PKP4: variants seen among roughly 807,000 people sequenced by gnomAD.
The protein encoded by PKP4 is plakophilin 4.
Under a neutral mutation model 145.1 loss-of-function variants are expected in PKP4, and 90 were observed. The observed-to-expected ratio is 0.62, with a 90% CI of 0.52 to 0.74. PKP4 has a LOEUF of 0.74. Among genes scored for constraint, PKP4 ranks in the 30% least tolerant of loss-of-function variants. The probability of loss-of-function intolerance (pLI) is 0.00; values close to 1 mark genes in which losing one functional copy is unlikely to be tolerated. For missense variants in PKP4, 1,340 were observed against 1,482.7 expected (o/e 0.90, Z 1.58); for synonymous variants, 563 against 577.2 (o/e 0.98, Z 0.35).
At chr2:158,468,789 T>TTTA (rs1691077950) in intron 1 of PKP4, among the ~76,000 whole-genome samples, 2 of 148,122 alleles carry the variant, frequency 1.4e-5, no homozygotes, top group African/African-American at 5.0e-5. Flanking sequence ...TTTTTTTTTT[T>TTTA]GAGACAGGGT....
At chr2:158,502,778 A>G (rs1336544855) in intron 1 of PKP4, among the ~76,000 whole-genome samples, 1 of 152,246 alleles carries the variant, frequency 6.6e-6, no homozygotes, top group African/African-American at 2.4e-5. Flanking sequence ...ATGGTGATGC[A>G]GAATATTTGT....
chr2:158,504,098 T>C (rs978162641), intron 1 of PKP4, among the ~76,000 whole-genome samples: 10 of 152,024 alleles, frequency 6.6e-5, no homozygotes, highest in African/African-American at 9.7e-5. Flanking sequence ...GTTCTCATAA[T>C]ATTGCATTTT....
intron 4 of PKP4, among the ~76,000 whole-genome samples, chr2:158,611,038 T>A (rs1335247174): frequency 6.6e-6 from 1 of 152,132 alleles, no homozygotes; most frequent in Non-Finnish European, 1.5e-5. Flanking sequence ...AAGATTGGAA[T>A]CTCTACCAAA....
intron 1 of PKP4, among the ~76,000 whole-genome samples, chr2:158,483,967 G>T (rs1693753938): frequency 6.6e-6 from 1 of 151,170 alleles, no homozygotes; most frequent in African/African-American, 2.4e-5. Context: ...GAATTTCTTT[G>T]TGTGTGTGTA....
At chr2:158,533,478 G>GAGCC in intron 2 of PKP4, 162 bp downstream of exon 2, 1 of 818,142 alleles carries the variant, frequency 1.2e-6, no homozygotes, top group Non-Finnish European at 2.1e-6. Context: ...CTGGCATGTA[G>GAGCC]AGCCGCTCCA....
intron 4 of PKP4, among the ~76,000 whole-genome samples, chr2:158,617,524 C>T (rs2051761376): frequency 6.6e-6 from 1 of 152,122 alleles, no homozygotes; most frequent in African/African-American, 2.4e-5. Context: ...TACCTCTTCT[C>T]TAGTGAATTT....
At chr2:158,564,959 G>T (rs1263530085) in intron 2 of PKP4, among the ~76,000 whole-genome samples, 2 of 152,160 alleles carry the variant, frequency 1.3e-5, no homozygotes, top group African/African-American at 2.4e-5. Flanking sequence ...GTCAATTACA[G>T]TTCTAAATAT....
chr2:158,490,504 A>G (rs1015180713), intron 1 of PKP4, among the ~76,000 whole-genome samples: 1 of 152,232 alleles, frequency 6.6e-6, no homozygotes, highest in Non-Finnish European at 1.5e-5. Context: ...GTTATTTTTA[A>G]AAGAATGCTG....
chr2:158,584,127 C>G (rs1026133823), intron 3 of PKP4, among the ~76,000 whole-genome samples: 47 of 152,174 alleles, frequency 3.1e-4, no homozygotes, highest in Admixed American at 3.1e-3. Context: ...CCCAGTGATT[C>G]GAGGCCAACT....
chr2:158,507,027 G>T (rs2041046835), intron 1 of PKP4, among the ~76,000 whole-genome samples: 1 of 152,212 alleles, frequency 6.6e-6, no homozygotes, highest in African/African-American at 2.4e-5. Flanking sequence ...TGGGAGAATA[G>T]TCGTGTGATT....
chr2:158,576,653 CTA>C (rs2047878014), intron 2 of PKP4, among the ~76,000 whole-genome samples: 2 of 152,150 alleles, frequency 1.3e-5, no homozygotes, highest in Admixed American at 1.3e-4. Flanking sequence ...ATTTTAAATT[CTA>C]TGTTATGGCT....
intron 2 of PKP4, among the ~76,000 whole-genome samples, chr2:158,574,073 T>C (rs3771615): frequency 0.71 from 108,343 of 151,848 alleles, 39,835 homozygotes; most frequent in Non-Finnish European, 0.8. Context: ...ATTCTCTTAA[T>C]TCTCTCTCAA....
At chr2:158,540,605 A>G (rs1320019425) in intron 2 of PKP4, among the ~76,000 whole-genome samples, 2 of 152,278 alleles carry the variant, frequency 1.3e-5, no homozygotes, top group South Asian at 4.1e-4. Context: ...ACACATTATG[A>G]ATATTCATTA....
At chr2:158,564,098 T>C (rs1042984814) in intron 2 of PKP4, among the ~76,000 whole-genome samples, 7 of 151,954 alleles carry the variant, frequency 4.6e-5, no homozygotes, top group African/African-American at 1.7e-4. Context: ...AAAGAGATAA[T>C]ATAAAAGTGT....
At chr2:158,537,083 T>C (rs1290245622) in intron 2 of PKP4, among the ~76,000 whole-genome samples, 1 of 152,342 alleles carries the variant, frequency 6.6e-6, no homozygotes, top group Admixed American at 6.5e-5. Context: ...TCGATTACTT[T>C]GTCACCAACT....
intron 1 of PKP4, among the ~76,000 whole-genome samples, chr2:158,473,930 A>G (rs1024311073): frequency 6.6e-6 from 1 of 152,132 alleles, no homozygotes; most frequent in Admixed American, 6.5e-5. Flanking sequence ...GCATTAAAAA[A>G]CCTAAGGAAA....
At chr2:158,491,900 G>GT (rs775052799) in intron 1 of PKP4, among the ~76,000 whole-genome samples, 1 of 151,964 alleles carries the variant, frequency 6.6e-6, no homozygotes, top group Non-Finnish European at 1.5e-5. Flanking sequence ...GGCTCAAGCA[G>GT]CCCCTCATGT....
chr2:158,652,055 T>C (rs766883887), intron 11 of PKP4, among the ~76,000 whole-genome samples: 2 of 152,336 alleles, frequency 1.3e-5, no homozygotes, highest in East Asian at 3.9e-4. Flanking sequence ...GAGAATAATA[T>C]GAGCTGCATA....
chr2:158,594,037 A>G (rs767017309), intron 3 of PKP4, among the ~76,000 whole-genome samples: 1 of 152,184 alleles, frequency 6.6e-6, no homozygotes, highest in Non-Finnish European at 1.5e-5. Context: ...GTAAAGTGTC[A>G]CTGAGGGAAA....
Sources: allele counts gnomAD v4.1 joint callset (sites outside exome capture counted in the v4.1 genomes callset), GRCh38; gene constraint gnomAD v4.1.1; transcripts MANE v1.5; gene names NCBI Gene and HGNC (gene_info 2026-07-23, HGNC 2026-07-21).